Variants in MYO1D observed in about 807,000 individuals in gnomAD.
MYO1D encodes unconventional myosin-Id.
Under a neutral mutation model 122.0 loss-of-function variants are expected in MYO1D, and 83 were observed. The observed-to-expected ratio is 0.68, with a 90% confidence interval of 0.57 to 0.82. MYO1D has a LOEUF of 0.82. Among genes scored for constraint, MYO1D ranks in the 40% least tolerant of loss-of-function variants. The probability of loss-of-function intolerance (pLI) is 0.00; values close to 1 mark genes in which losing one functional copy is unlikely to be tolerated. For synonymous variants in MYO1D, 464 were observed against 446.9 expected (o/e 1.04, Z -0.48); for missense variants, 1,157 against 1,269.5 (o/e 0.91, Z 1.35).
chr17:32,814,094 C>T (rs982698579), intron 1 of MYO1D, among the ~76,000 whole-genome samples: 3 of 152,080 alleles, frequency 2.0e-5, no homozygotes, highest in African/African-American at 7.2e-5. Context: ...GTCTGTAATC[C>T]CAGCACTCTG....
At chr17:32,754,362 A>G (rs1396579001) in intron 11 of MYO1D, among the ~76,000 whole-genome samples, 1 of 152,196 alleles carries the variant, frequency 6.6e-6, no homozygotes, top group Non-Finnish European at 1.5e-5. Context: ...GGAATGACTG[A>G]AGCAGTACCT....
chr17:32,672,009 C>A (rs970164683), intron 16 of MYO1D, among the ~76,000 whole-genome samples: 8 of 152,150 alleles, frequency 5.3e-5, no homozygotes, highest in Non-Finnish European at 1.2e-4. Flanking sequence ...ACATTTGAGT[C>A]CTGGCCCTGC....
intron 21 of MYO1D, chr17:32,495,876 G>C (rs1909082989): frequency 6.6e-6 from 1 of 152,398 alleles, no homozygotes. Flanking sequence ...TATGCCGAAA[G>C]CCCTGGGAAT....
In MYO1D at chr17:32,622,914, A is replaced by C. The variant is rs571853913; in HGVS notation, c.2709+15808T>G. On this transcript the variant is annotated intron_variant, in intron 20 of 21. Transcript: ENST00000318217. ...TTCAACAACCACCCATCTGCTTCCA[A>C]ATATCCTAACACTTGTGTTGCCAGA... Among the ~76,000 whole-genome samples, 3 of 152,324 alleles carry C rather than the reference A, an allele frequency of 2.0e-5. No individual in the cohort carries two copies. In the East Asian group the frequency reaches 5.8e-4, roughly 29 times the overall value.
At chr17:32,565,406 C>T (rs182420233) in intron 21 of MYO1D, among the ~76,000 whole-genome samples, 1 of 152,284 alleles carries the variant, frequency 6.6e-6, no homozygotes, top group African/African-American at 2.4e-5. Context: ...TGATGCAGCT[C>T]CCACCTCCAT....
intron 1 of MYO1D, among the ~76,000 whole-genome samples, chr17:32,814,221 G>A (rs1005800508): frequency 2.6e-5 from 4 of 152,130 alleles, no homozygotes; most frequent in Non-Finnish European, 5.9e-5. Flanking sequence ...GTGTGCACCT[G>A]TAGTCCCAGC....
chr17:32,512,082 C>T (rs111439658), intron 21 of MYO1D, among the ~76,000 whole-genome samples: 5,650 of 152,170 alleles, frequency 0.037, 337 homozygotes, highest in African/African-American at 0.13. Context: ...GGGCGGATCA[C>T]CTGAGGTCAG....
At chr17:32,853,933 G>A (rs142041034) in intron 1 of MYO1D, among the ~76,000 whole-genome samples, 83 of 152,190 alleles carry the variant, frequency 5.5e-4, no homozygotes, top group African/African-American at 1.9e-3. Flanking sequence ...TTTAAAGTAC[G>A]CACATTTTAA....
intron 20 of MYO1D, among the ~76,000 whole-genome samples, chr17:32,607,276 G>C (rs1047111295): frequency 6.6e-6 from 1 of 151,762 alleles, no homozygotes; most frequent in Non-Finnish European, 1.5e-5. Context: ...ATAGCTCCCA[G>C]AACTAATAAG....
chr17:32,546,010 G>A (rs1231373449), intron 21 of MYO1D, among the ~76,000 whole-genome samples: 1 of 152,028 alleles, frequency 6.6e-6, no homozygotes, highest in African/African-American at 2.4e-5. Flanking sequence ...TTCTAGTGGA[G>A]ACTCATATGA....
intron 21 of MYO1D, among the ~76,000 whole-genome samples, chr17:32,585,432 T>C (rs1026974994): frequency 8.5e-5 from 13 of 152,142 alleles, no homozygotes; most frequent in Non-Finnish European, 2.9e-5. Context: ...TTTGTTTCTG[T>C]GAGAAAGGGC....
intron 20 of MYO1D, among the ~76,000 whole-genome samples, chr17:32,630,144 T>C (rs578142894): frequency 2.0e-5 from 3 of 152,374 alleles, no homozygotes; most frequent in Non-Finnish European, 4.4e-5. Flanking sequence ...ACACAGATTA[T>C]ACACATATAT....
In MYO1D at chr17:32,548,336, G is replaced by A. The variant is rs183732763; in HGVS notation, c.2865-53421C>T. ...CCCAGCTACTGGGAGGCTGAGGTGG[G>A]AGAATGGCTTGATCCGAGGAGAAGG... On this transcript the variant is annotated intron_variant, in intron 21 of 21. Transcript: ENST00000318217. Among the ~76,000 whole-genome samples the A allele has an allele frequency of 3.9e-5, 6 of 151,962 alleles. No individual in the cohort carries two copies. In the East Asian group the frequency reaches 7.8e-4, roughly 20 times the overall value.
At chr17:32,841,104 T>C (rs1444485033) in intron 1 of MYO1D, among the ~76,000 whole-genome samples, 2 of 152,206 alleles carry the variant, frequency 1.3e-5, no homozygotes, top group Non-Finnish European at 2.9e-5. Context: ...CGATGTTTGG[T>C]AGGTTAAGTG....
chr17:32,710,305 TAATATA>T (rs2150985566), intron 16 of MYO1D, among the ~76,000 whole-genome samples: 1 of 152,240 alleles, frequency 6.6e-6, no homozygotes, highest in East Asian at 1.9e-4. Flanking sequence ...TACAGGAACT[TAATATA>T]TAATAAAAGT....
At chr17:32,761,551 C>T (rs1328511308) in intron 8 of MYO1D, among the ~76,000 whole-genome samples, 1 of 152,216 alleles carries the variant, frequency 6.6e-6, no homozygotes, top group Admixed American at 6.5e-5. Context: ...GTCTCCTCTT[C>T]TACCTGACTT....
At chr17:32,871,329 G>A (rs1175074471) in intron 1 of MYO1D, among the ~76,000 whole-genome samples, 1 of 152,124 alleles carries the variant, frequency 6.6e-6, no homozygotes, top group Non-Finnish European at 1.5e-5. Context: ...AACATCCTAC[G>A]ACACACAGGA....
chr17:32,841,625 C>T (rs2090882760), intron 1 of MYO1D, among the ~76,000 whole-genome samples: 1 of 152,108 alleles, frequency 6.6e-6, no homozygotes, highest in Non-Finnish European at 1.5e-5. Context: ...AGGGAAGCAT[C>T]TGGGAGACAG....
At chr17:32,774,311 CAATTCTTTGAT>C (rs2090153262) in intron 4 of MYO1D, among the ~76,000 whole-genome samples, 1 of 152,206 alleles carries the variant, frequency 6.6e-6, no homozygotes, top group Non-Finnish European at 1.5e-5. Flanking sequence ...GTTTCCCCTG[CAATTCTTTGAT>C]AATTCTTTTT....
Sources: allele counts gnomAD v4.1 joint callset (sites outside exome capture counted in the v4.1 genomes callset), GRCh38; gene constraint gnomAD v4.1.1; transcripts MANE v1.5; gene names NCBI Gene and HGNC (gene_info 2026-07-23, HGNC 2026-07-21).